Variants in MBNL3 observed in about 807,000 individuals in gnomAD.
MBNL3 encodes muscleblind-like protein 3.
MBNL3 carries 6 observed loss-of-function variants against 24.5 expected under a neutral mutation model. That is an observed-to-expected ratio of 0.25 (90% CI 0.13 to 0.48). The LOEUF (loss-of-function observed/expected upper bound fraction) is 0.48. MBNL3 is among the 20% of genes least tolerant of loss of function. MBNL3 has a pLI of 0.99. For missense variants in MBNL3, 230 were observed against 293.5 expected, an observed-to-expected ratio of 0.78 and a Z score of 1.58; for synonymous variants, 100 against 101.7, an observed-to-expected ratio of 0.98 and a Z score of 0.10.
At chrX:132,449,594 A>T (rs1429904096) in intron 1 of MBNL3, among the ~76,000 whole-genome samples, 1 of 103,336 alleles carries the variant, frequency 9.7e-6, no homozygotes, top group Non-Finnish European at 2.0e-5. Context: ...ATGGGTCCTG[A>T]CTCTTTATCC....
intron 1 of MBNL3, among the ~76,000 whole-genome samples, chrX:132,440,992 T>C (rs375200427): frequency 8.9e-6 from 1 of 112,605 alleles, no homozygotes; most frequent in East Asian, 2.8e-4. Flanking sequence ...TTCAACAATT[T>C]TACAAAATCT....
At chrX:132,424,225 C>T (rs1367962220) in intron 2 of MBNL3, among the ~76,000 whole-genome samples, 1 of 112,019 alleles carries the variant, frequency 8.9e-6, no homozygotes, top group African/African-American at 3.2e-5. Context: ...ACCTCTCCTG[C>T]ATAAAAGTAA....
chrX:132,488,201 T>TCTAGCTAGCTAG (rs746158801), intron 1 of MBNL3, among the ~76,000 whole-genome samples: 5 of 110,480 alleles, frequency 4.5e-5, no homozygotes, highest in African/African-American at 1.3e-4. Context: ...TTATCTATCA[T>TCTAGCTAGCTAG]CTAGCTAGCT....
intron 5 of MBNL3, 103 bp from the exon 6 acceptor site, chrX:132,386,914 G>A (rs1347145614): frequency 3.3e-6 from 3 of 916,781 alleles, no homozygotes; most frequent in African/African-American, 3.9e-5. Flanking sequence ...CCTCCGTAAG[G>A]GTATGCATTG....
chrX:132,405,392 T>G (rs1055078152), intron 3 of MBNL3, among the ~76,000 whole-genome samples: 10 of 111,329 alleles, frequency 9.0e-5, no homozygotes, highest in Non-Finnish European at 1.7e-4. Context: ...TGGGGAAATC[T>G]GAATAAAGTC....
At chrX:132,454,961 C>T (rs1467660549) in intron 1 of MBNL3, among the ~76,000 whole-genome samples, 1 of 112,113 alleles carries the variant, frequency 8.9e-6, no homozygotes, top group African/African-American at 3.2e-5. Flanking sequence ...GTGATTTATG[C>T]TTCACTGGAA....
chrX:132,475,861 T>G (rs967148270), intron 1 of MBNL3, among the ~76,000 whole-genome samples: 5 of 111,587 alleles, frequency 4.5e-5, no homozygotes, highest in Non-Finnish European at 9.4e-5. Context: ...TCAAGGGAAG[T>G]CTCAGGCCTC....
At chrX:132,488,313 C>A (rs1948114991) in intron 1 of MBNL3, among the ~76,000 whole-genome samples, 1 of 111,474 alleles carries the variant, frequency 9.0e-6, no homozygotes, top group Non-Finnish European at 1.9e-5. Context: ...TGTCAACTTT[C>A]ATTACTCGTC....
intron 1 of MBNL3, among the ~76,000 whole-genome samples, chrX:132,479,653 A>T (rs954508067): frequency 9.0e-6 from 1 of 111,710 alleles, no homozygotes; most frequent in Non-Finnish European, 1.9e-5. Context: ...CTGAATATTT[A>T]AAAAGCATGT....
rs1293900226 is a variant in MBNL3 at position 132,440,044 on chromosome X, T to C, written c.-433A>G. Among the ~76,000 whole-genome samples the C allele has an allele frequency of 9.0e-6, 1 of 111,388 alleles. No homozygotes were observed. The highest frequency in any genetic ancestry group is 1.9e-5 in the Non-Finnish European group (1 of 53,079). ...AGGGGGAGAAAAGTTTTTCTCCCTA[T>C]TTATTAGCTTTAAATAACAAGATTG... On this transcript the variant is annotated 5_prime_UTR_variant, in exon 2 of 9. Transcript: ENST00000370853.
intron 2 of MBNL3, among the ~76,000 whole-genome samples, chrX:132,438,875 C>T (rs912541459): frequency 2.8e-5 from 3 of 107,767 alleles, no homozygotes; most frequent in East Asian, 2.9e-4. Context: ...TGTAGCAATA[C>T]GTTTAAGTTA....
At chrX:132,473,161 G>A (rs1947264816) in intron 1 of MBNL3, among the ~76,000 whole-genome samples, 1 of 111,400 alleles carries the variant, frequency 9.0e-6, no homozygotes, top group South Asian at 3.8e-4. Flanking sequence ...GTTGATCATG[G>A]GCTTAATAAG....
chrX:132,462,696 A>ATGTG (rs752541854), intron 1 of MBNL3, among the ~76,000 whole-genome samples: 10 of 108,496 alleles, frequency 9.2e-5, no homozygotes, highest in African/African-American at 2.4e-4. Context: ...GTGTGCATGC[A>ATGTG]TGTGTGTGTG....
intron 1 of MBNL3, among the ~76,000 whole-genome samples, chrX:132,479,335 T>C (rs966818645): frequency 8.9e-6 from 1 of 112,572 alleles, no homozygotes; most frequent in Non-Finnish European, 1.9e-5. Context: ...TTCAGGCCAA[T>C]CTACTTACAA....
intron 3 of MBNL3, among the ~76,000 whole-genome samples, chrX:132,405,484 A>G (rs1225578319): frequency 8.9e-6 from 1 of 112,221 alleles, no homozygotes; most frequent in African/African-American, 3.2e-5. Context: ...AGATGTTAAC[A>G]GTGGGGAGAA....
chrX:132,406,544 G>T, intron 2 of MBNL3, 152 bp from the exon 3 acceptor site: 1 of 511,528 alleles, frequency 2.0e-6, no homozygotes, highest in Non-Finnish European at 3.0e-6. Flanking sequence ...CTGACAGTCT[G>T]TTAATGAAAT....
chrX:132,424,852 T>A (rs1300737388), intron 2 of MBNL3, among the ~76,000 whole-genome samples: 1 of 109,928 alleles, frequency 9.1e-6, no homozygotes, highest in African/African-American at 3.3e-5. Flanking sequence ...AAGGTATTTC[T>A]TTAGTGGGAC....
intron 1 of MBNL3, among the ~76,000 whole-genome samples, chrX:132,455,554 G>C (rs1319053527): frequency 8.9e-6 from 1 of 111,852 alleles, no homozygotes; most frequent in Non-Finnish European, 1.9e-5. Context: ...GGCCCAGAAG[G>C]ATTCATTTAC....
chrX:132,395,918 C>T (rs989856452), intron 3 of MBNL3, among the ~76,000 whole-genome samples: 5 of 111,131 alleles, frequency 4.5e-5, no homozygotes, highest in Admixed American at 3.9e-4. Flanking sequence ...AATCTCTGTT[C>T]TAGAGTAAGG....
Sources: allele counts gnomAD v4.1 joint callset (sites outside exome capture counted in the v4.1 genomes callset), GRCh38; gene constraint gnomAD v4.1.1; transcripts MANE v1.5; gene names NCBI Gene and HGNC (gene_info 2026-07-23, HGNC 2026-07-21).